ASH1L: variants seen among roughly 807,000 people sequenced by gnomAD.
ASH1L encodes the protein ASH1 like histone lysine methyltransferase, also known as histone-lysine N-methyltransferase ASH1L.
A neutral mutation model predicts 269.0 loss-of-function variants in ASH1L; 23 were observed. That is an observed-to-expected ratio of 0.09 (90% CI 0.06 to 0.12). ASH1L has a LOEUF of 0.12. Among genes scored for constraint, ASH1L ranks in the 10% least tolerant of loss-of-function variants. The pLI is 1.00. For synonymous variants in ASH1L, 1,187 were observed against 1,253.5 expected (o/e 0.95, Z 1.12); for missense variants, 2,912 against 3,567.8 (o/e 0.82, Z 4.68).
At chr1:155,399,397 C>T (rs1419611747) in intron 6 of ASH1L, among the ~76,000 whole-genome samples, 1 of 152,090 alleles carries the variant, frequency 6.6e-6, no homozygotes, top group Non-Finnish European at 1.5e-5. Context: ...AATCCAAGCA[C>T]TTTGGGAAGT....
At chr1:155,464,133 C>T (rs1664508836) in intron 3 of ASH1L, among the ~76,000 whole-genome samples, 1 of 152,144 alleles carries the variant, frequency 6.6e-6, no homozygotes. Flanking sequence ...CTTGCTGTCT[C>T]CATCATGTGA....
chr1:155,508,902 G>A (rs1266988799), intron 2 of ASH1L, among the ~76,000 whole-genome samples: 3 of 152,090 alleles, frequency 2.0e-5, no homozygotes, highest in Non-Finnish European at 4.4e-5. Flanking sequence ...ATGCGCTAGG[G>A]GCAAAATAGA....
At chr1:155,507,560 T>G (rs558738298) in intron 2 of ASH1L, among the ~76,000 whole-genome samples, 1 of 151,964 alleles carries the variant, frequency 6.6e-6, no homozygotes, top group Non-Finnish European at 1.5e-5. Flanking sequence ...AATCTGCTCA[T>G]CATAATCATG....
At chr1:155,515,832 TAAAAAAAAAAA>T (rs755945664) in intron 2 of ASH1L, among the ~76,000 whole-genome samples, 3 of 106,776 alleles carry the variant, frequency 2.8e-5, no homozygotes, top group African/African-American at 1.0e-4. Context: ...GACTCTGCCT[TAAAAAAAAAAA>T]AAAAAAAAAA....
At chr1:155,340,538 C>T (rs2148313074) in intron 25 of ASH1L, among the ~76,000 whole-genome samples, 1 of 152,018 alleles carries the variant, frequency 6.6e-6, no homozygotes, top group South Asian at 2.1e-4. Flanking sequence ...GACAGGCCCA[C>T]TAAAAGAAGA....
intron 1 of ASH1L, among the ~76,000 whole-genome samples, chr1:155,552,053 A>G (rs903879093): frequency 8.5e-5 from 13 of 152,242 alleles, no homozygotes; most frequent in African/African-American, 2.9e-4. Flanking sequence ...TAAAAGATCT[A>G]TATCGAAAAA....
At chr1:155,384,184 A>T (rs755432396) in intron 7 of ASH1L, among the ~76,000 whole-genome samples, 39 of 152,050 alleles carry the variant, frequency 2.6e-4, no homozygotes, top group Non-Finnish European at 2.9e-4. Context: ...TCTTTTTTTT[A>T]AAATTGTTTC....
At position 155,343,834 on chromosome 1, in the gene ASH1L, A is replaced by G; in HGVS notation, c.7982-92T>C. 1 of 1,416,452 alleles carries G rather than the reference A, an allele frequency of 7.1e-7. No individual in the cohort carries two copies. The highest frequency in any genetic ancestry group is 2.1e-5 in the Admixed American group (1 of 47,844). 87.7% of individuals were successfully genotyped at this position (1,416,452 alleles called of 1,614,324 possible). A position where few individuals can be genotyped will look rare whatever the true frequency, so the allele number is the denominator to read the frequency against. On this transcript the variant is annotated intron_variant, in intron 22 of 27. Transcript: ENST00000392403. This position sits in a 1 kb window ranked among gnomAD's most constrained non-coding sequence, Gnocchi z 6.1. ...TTATCTGACTCAGGGTCTACATAGAACTCATAATCTGAAACAGTATAAATA... is the reference window on the plus strand; with the variant it reads ...TTATCTGACTCAGGGTCTACATAGAGCTCATAATCTGAAACAGTATAAATA...
intron 6 of ASH1L, among the ~76,000 whole-genome samples, chr1:155,409,316 AAAATTGTCATTTTTC>A (rs1337414736): frequency 6.6e-6 from 1 of 152,180 alleles, no homozygotes; most frequent in East Asian, 1.9e-4. Flanking sequence ...ACACCCAGCA[AAAATTGTCATTTTTC>A]AACCATCAAT....
In ASH1L at chr1:155,480,812, T is replaced by C. The variant is rs1434558598; in HGVS notation, c.2058A>G (p.Ala686=). ...FSNKPFLKLG[A]VSASDKHCQV... is the part of the protein sequence containing the mutation. ...GGCAGTGTTTGTCTGATGCAGATACTGCACCCAGTTTTAAAAAAGGCTTAT... is the reference window on the plus strand; with the variant it reads ...GGCAGTGTTTGTCTGATGCAGATACCGCACCCAGTTTTAAAAAAGGCTTAT... Residue 686 remains alanine (A), a synonymous_variant, in exon 3 of 28, where the codon GCA becomes GCG. Transcript: ENST00000392403. 1.2e-6 allele frequency: 2 copies of C among 1,614,040 alleles called. No individual in the cohort carries two copies. The highest frequency in any genetic ancestry group is 2.7e-5 in the African/African-American group (2 of 75,044).
chr1:155,350,466 G>C (rs970572577), intron 17 of ASH1L, among the ~76,000 whole-genome samples: 4 of 152,220 alleles, frequency 2.6e-5, no homozygotes, highest in Middle Eastern at 3.4e-3. Context: ...AATGTTAGTT[G>C]GGTAATGAGA....
intron 10 of ASH1L, among the ~76,000 whole-genome samples, chr1:155,376,921 G>T (rs1217595179): frequency 1.3e-5 from 2 of 149,992 alleles, no homozygotes; most frequent in South Asian, 4.2e-4. Flanking sequence ...TTTTTTTTGG[G>T]GGGGAGATGG....
At chr1:155,560,842 T>C (rs1043949071) in intron 1 of ASH1L, among the ~76,000 whole-genome samples, 3 of 152,138 alleles carry the variant, frequency 2.0e-5, no homozygotes, top group Admixed American at 6.6e-5. Flanking sequence ...TCCAAAATAA[T>C]ATAGTCATGG....
At chr1:155,502,156 C>T (rs1294716568) in intron 2 of ASH1L, among the ~76,000 whole-genome samples, 7 of 150,718 alleles carry the variant, frequency 4.6e-5, no homozygotes, top group Admixed American at 2.0e-4. Flanking sequence ...CTGCAACCTC[C>T]GCCTCCCGGG....
chr1:155,533,240 T>C (rs1669809529), intron 1 of ASH1L, among the ~76,000 whole-genome samples: 1 of 152,108 alleles, frequency 6.6e-6, no homozygotes. Context: ...GTTCTTAGCA[T>C]GTACAAAGCT....
chr1:155,350,773 T>G (rs1178133416), intron 17 of ASH1L, among the ~76,000 whole-genome samples: 3 of 150,704 alleles, frequency 2.0e-5, no homozygotes, highest in Non-Finnish European at 2.9e-5. Flanking sequence ...ATAAAAAAAT[T>G]AGCCGGGCGT....
intron 3 of ASH1L, among the ~76,000 whole-genome samples, chr1:155,469,421 G>A (rs1426879631): frequency 3.9e-5 from 6 of 152,002 alleles, no homozygotes; most frequent in African/African-American, 1.5e-4. Context: ...GACCTCAGGT[G>A]ATCTGCCCGC....
At chr1:155,401,106 A>T (rs1173268684) in intron 6 of ASH1L, among the ~76,000 whole-genome samples, 1 of 152,008 alleles carries the variant, frequency 6.6e-6, no homozygotes, top group Non-Finnish European at 1.5e-5. Context: ...GGTTGCAGTG[A>T]GCTGAGATCG....
chr1:155,548,962 C>G (rs114131569), intron 1 of ASH1L, among the ~76,000 whole-genome samples: 1 of 152,142 alleles, frequency 6.6e-6, no homozygotes, highest in African/African-American at 2.4e-5. Context: ...CAACCAACCA[C>G]GGATCAAAAA....
Sources: allele counts gnomAD v4.1 joint callset (sites outside exome capture counted in the v4.1 genomes callset), GRCh38; gene constraint gnomAD v4.1.1; non-coding constraint Gnocchi (gnomAD v3.1); transcripts MANE v1.5; gene names NCBI Gene and HGNC (gene_info 2026-07-23, HGNC 2026-07-21).